The following FHIT variants were observed in gnomAD, a reference collection of about 807,000 sequenced individuals.
FHIT encodes bis(5'-adenosyl)-triphosphatase.
A neutral mutation model predicts 17.9 loss-of-function variants in FHIT; 19 were observed. The ratio of observed to expected loss-of-function variants is 1.06; its 90% confidence interval spans 0.74 to 1.56. The LOEUF (loss-of-function observed/expected upper bound fraction) is 1.56. Among genes scored for constraint, FHIT ranks in the 40% most tolerant of loss-of-function variants. The probability of loss-of-function intolerance (pLI) is 0.00; values close to 1 mark genes in which losing one functional copy is unlikely to be tolerated. For synonymous variants in FHIT, 81 were observed against 69.7 expected, an observed-to-expected ratio of 1.16 and a Z score of -0.81; for missense variants, 248 against 189.2, an observed-to-expected ratio of 1.31 and a Z score of -1.82.
chr3:59,914,751 T>G (rs961387165), intron 8 of FHIT, among the ~76,000 whole-genome samples: 4 of 152,150 alleles, frequency 2.6e-5, no homozygotes, highest in Non-Finnish European at 5.9e-5. Flanking sequence ...AATGCTTAAT[T>G]CATATCTGTT....
At chr3:59,953,155 G>A (rs1363854242) in intron 7 of FHIT, among the ~76,000 whole-genome samples, 1 of 151,830 alleles carries the variant, frequency 6.6e-6, no homozygotes, top group African/African-American at 2.4e-5. Context: ...TTCCATGTGT[G>A]TAAGGGTAAA....
At chr3:60,648,452 T>TG (rs1402211607) in intron 4 of FHIT, among the ~76,000 whole-genome samples, 1 of 151,956 alleles carries the variant, frequency 6.6e-6, no homozygotes, top group African/African-American at 2.4e-5. Context: ...TTTATCTCCC[T>TG]GGTCTAGTGT....
At chr3:59,982,619 T>C (rs1708703425) in intron 7 of FHIT, among the ~76,000 whole-genome samples, 2 of 152,222 alleles carry the variant, frequency 1.3e-5, no homozygotes. Flanking sequence ...ATTTCTGTGC[T>C]CAATTTCCGG....
At chr3:60,587,161 A>G (rs2037933798) in intron 4 of FHIT, among the ~76,000 whole-genome samples, 1 of 152,196 alleles carries the variant, frequency 6.6e-6, no homozygotes, top group East Asian at 1.9e-4. Flanking sequence ...ACCACGGAAT[A>G]CTATGCAGCC....
At chr3:60,172,694 T>C (rs1701474814) in intron 5 of FHIT, among the ~76,000 whole-genome samples, 3 of 151,986 alleles carry the variant, frequency 2.0e-5, no homozygotes, top group Non-Finnish European at 4.4e-5. Context: ...ACTTAGTATA[T>C]GTGAGGAACT....
intron 8 of FHIT, among the ~76,000 whole-genome samples, chr3:59,867,654 A>G (rs1702715354): frequency 6.6e-6 from 1 of 152,022 alleles, no homozygotes; most frequent in Admixed American, 6.6e-5. Flanking sequence ...GAGTTCCATT[A>G]GCTTCAGCTT....
intron 2 of FHIT, among the ~76,000 whole-genome samples, chr3:61,082,933 T>TTGGA (rs2035186289): frequency 6.6e-6 from 1 of 152,140 alleles, no homozygotes; most frequent in South Asian, 2.1e-4. Context: ...TCAGACAAGA[T>TTGGA]TGGATGCATT....
chr3:60,092,886 G>A (rs1703790361), intron 5 of FHIT, among the ~76,000 whole-genome samples: 1 of 152,274 alleles, frequency 6.6e-6, no homozygotes, highest in Admixed American at 6.5e-5. Context: ...AAAATAGATT[G>A]TGCATCTGTT....
At chr3:59,758,251 C>A (rs943525252) in intron 8 of FHIT, among the ~76,000 whole-genome samples, 2 of 152,164 alleles carry the variant, frequency 1.3e-5, no homozygotes, top group East Asian at 3.9e-4. Flanking sequence ...GTACCAGTTC[C>A]CCAGCAAGGC....
rs189267944 is a variant in FHIT, at chr3:60,572,698, T to C, written c.-17-35719A>G. Among the ~76,000 whole-genome samples, 16 of 152,204 alleles carry C rather than the reference T, an allele frequency of 1.1e-4. No individual in the cohort carries two copies. The East Asian group carries it at 3.1e-3, about 29-fold the overall frequency. ...TCTTAAAATATAAAACAAAAAAATA[T>C]ATGGTCCATTGATGGAAAGGATAGA... is the stretch of plus-strand genomic sequence containing the variant. On this transcript the variant is annotated intron_variant, in intron 4 of 9. Transcript: ENST00000492590.
intron 4 of FHIT, among the ~76,000 whole-genome samples, chr3:60,624,526 A>G (rs1350935102): frequency 1.3e-5 from 2 of 152,208 alleles, no homozygotes; most frequent in Non-Finnish European, 2.9e-5. Flanking sequence ...ATAGGAATGA[A>G]GAGAGAGGAC....
intron 5 of FHIT, among the ~76,000 whole-genome samples, chr3:60,306,259 C>T (rs1201055446): frequency 1.3e-5 from 2 of 152,092 alleles, no homozygotes; most frequent in African/African-American, 2.4e-5. Flanking sequence ...AGAGGATTTA[C>T]GTCAACTCAA....
intron 2 of FHIT, among the ~76,000 whole-genome samples, chr3:61,182,513 G>A (rs1323225225): frequency 1.3e-5 from 2 of 152,134 alleles, no homozygotes; most frequent in Non-Finnish European, 2.9e-5. Context: ...GCCATAAATA[G>A]AAGGAAACTG....
At chr3:61,003,562 T>A (rs1423007194) in intron 3 of FHIT, among the ~76,000 whole-genome samples, 2 of 152,244 alleles carry the variant, frequency 1.3e-5, no homozygotes, top group Non-Finnish European at 2.9e-5. Flanking sequence ...CTATGACTGC[T>A]CTAGTACTGA....
intron 3 of FHIT, among the ~76,000 whole-genome samples, chr3:60,857,502 A>C (rs1703437887): frequency 6.6e-6 from 1 of 151,912 alleles, no homozygotes; most frequent in African/African-American, 2.4e-5. Context: ...AAAGCTTTTC[A>C]ATAAGGGTTT....
intron 4 of FHIT, among the ~76,000 whole-genome samples, chr3:60,785,897 AC>A (rs1559720879): frequency 0.015 from 2,042 of 133,570 alleles, 40 homozygotes; most frequent in East Asian, 0.06. Context: ...CAAACAGAAG[AC>A]ACACACACAC....
intron 5 of FHIT, among the ~76,000 whole-genome samples, chr3:60,183,418 A>C (rs1702027708): frequency 6.6e-6 from 1 of 151,992 alleles, no homozygotes; most frequent in African/African-American, 2.4e-5. Flanking sequence ...ACAAATAAAC[A>C]AACAAACAAA....
chr3:60,510,813 A>G (rs894462291), intron 5 of FHIT, among the ~76,000 whole-genome samples: 4 of 152,242 alleles, frequency 2.6e-5, no homozygotes, highest in Non-Finnish European at 5.9e-5. Flanking sequence ...GCACATAGGA[A>G]TGACTATAGT....
At chr3:60,112,460 T>G (rs756759508) in intron 5 of FHIT, among the ~76,000 whole-genome samples, 19 of 152,108 alleles carry the variant, frequency 1.2e-4, no homozygotes, top group Non-Finnish European at 2.8e-4. Context: ...CCCAACCATT[T>G]CGTAAAACTC....
Sources: gnomAD v4.1 joint callset for allele counts (sites outside exome capture counted in the v4.1 genomes callset) on GRCh38, gnomAD v4.1.1 for gene constraint, MANE v1.5 for transcripts, NCBI Gene and HGNC (gene_info 2026-07-23, HGNC 2026-07-21) for gene names.